The following NOVA2 variants were observed in gnomAD, a reference collection of about 807,000 sequenced individuals.
NOVA2 encodes the protein RNA-binding protein Nova-2.
In NOVA2, 9 loss-of-function variants were observed where a neutral mutation model predicts 22.5. That is an observed-to-expected ratio of 0.40 (90% CI 0.24 to 0.70). The LOEUF (loss-of-function observed/expected upper bound fraction) is 0.70. Among genes scored for constraint, NOVA2 ranks in the 30% least tolerant of loss-of-function variants. The probability of loss-of-function intolerance (pLI) is 0.38; values close to 1 mark genes in which losing one functional copy is unlikely to be tolerated. For synonymous variants in NOVA2, 318 were observed against 335.2 expected (o/e 0.95, Z 0.56); for missense variants, 383 against 682.8 (o/e 0.56, Z 4.89).
intron 3 of NOVA2, among the ~76,000 whole-genome samples, chr19:45,953,557 C>T (rs543154451): frequency 6.6e-6 from 1 of 152,200 alleles, no homozygotes; most frequent in Non-Finnish European, 1.5e-5. Context: ...CAGACCTTCA[C>T]TCCCTCTCTG....
chr19:45,961,177 G>A (rs1415543463), intron 1 of NOVA2, 24 bp from the exon 2 acceptor site: 2 of 1,584,050 alleles, frequency 1.3e-6, no homozygotes, highest in African/African-American at 1.3e-5. Flanking sequence ...CAGGGTGGAG[G>A]GGAGTCAGCG....
intron 3 of NOVA2, among the ~76,000 whole-genome samples, chr19:45,942,240 G>C (rs758158917): frequency 6.6e-6 from 1 of 152,150 alleles, no homozygotes; most frequent in Non-Finnish European, 1.5e-5. Context: ...TTGGAGAGAG[G>C]GTCTTTAAAG....
intron 1 of NOVA2, among the ~76,000 whole-genome samples, chr19:45,965,941 A>G (rs954335927): frequency 6.6e-6 from 1 of 152,216 alleles, no homozygotes; most frequent in Non-Finnish European, 1.5e-5. Context: ...AATGTTAGAT[A>G]TCATCATTAT....
intron 1 of NOVA2, chr19:45,962,443 A>G (rs1431848417): frequency 6.5e-6 from 1 of 152,810 alleles, no homozygotes; most frequent in African/African-American, 2.4e-5. Context: ...GCCCAAGGAC[A>G]CGAACACAGC....
chr19:45,968,756 G>A (rs4802282), intron 1 of NOVA2, among the ~76,000 whole-genome samples: 54,008 of 151,784 alleles, frequency 0.36, 11,661 homozygotes, highest in Non-Finnish European at 0.49. Context: ...TCAGAGTAGT[G>A]AAATAACTCG....
chr19:45,942,875 T>TC (rs1490155197), intron 3 of NOVA2, among the ~76,000 whole-genome samples: 20 of 151,666 alleles, frequency 1.3e-4, no homozygotes, highest in Non-Finnish European at 1.6e-4. Flanking sequence ...CAAAAATCCT[T>TC]CCCATGTCCC....
intron 1 of NOVA2, 59 bp from the exon 2 acceptor site, chr19:45,961,212 G>C (rs1235751360): frequency 2.3e-6 from 3 of 1,319,772 alleles, no homozygotes; most frequent in African/African-American, 2.9e-5. Flanking sequence ...ACCTTTGGAG[G>C]GGGTGAGCAG....
At chr19:45,961,933 G>A (rs1010996733) in intron 1 of NOVA2, among the ~76,000 whole-genome samples, 1 of 152,170 alleles carries the variant, frequency 6.6e-6, no homozygotes, top group African/African-American at 2.4e-5. Context: ...CCCTGTGCCT[G>A]GGGCTGAATG....
intron 3 of NOVA2, among the ~76,000 whole-genome samples, chr19:45,951,876 A>AAAATTTGG (rs1238003370): frequency 1.3e-5 from 2 of 152,122 alleles, no homozygotes; most frequent in African/African-American, 4.8e-5. Context: ...CTTCTTTTGA[A>AAAATTTGG]AAATTTGGAA....
At chr19:45,953,041 G>C (rs943179913) in intron 3 of NOVA2, among the ~76,000 whole-genome samples, 1 of 152,222 alleles carries the variant, frequency 6.6e-6, no homozygotes, top group Non-Finnish European at 1.5e-5. Context: ...GAGTGGGGAC[G>C]GGAGAGAAAA....
Position 45,938,004 on chromosome 19 carries a change from G to C in NOVA2, c.*1859C>G, listed in dbSNP as rs372280940. 2 of 152,162 alleles carry C rather than the reference G, an allele frequency of 1.3e-5. No individual in the cohort carries two copies. The highest frequency in any genetic ancestry group is 3.9e-4 in the East Asian group (2 of 5,182). The allele number at this position is 152,162 out of a possible 1,614,324, so 9.4% of individuals were successfully genotyped here. Reference sequence around the variant, plus strand: ...AGAAGAAAAGGGTTTGGAAGACCTAGGAGGCGGACAAATGGGGGAGAGGGT... The same window carrying C: ...AGAAGAAAAGGGTTTGGAAGACCTACGAGGCGGACAAATGGGGGAGAGGGT... On this transcript the variant is annotated 3_prime_UTR_variant, in exon 4 of 4. Coordinates refer to ENST00000263257, the MANE Select transcript of NOVA2 (RefSeq NM_002516.4).
intron 1 of NOVA2, among the ~76,000 whole-genome samples, chr19:45,965,118 T>C (rs147673658): frequency 6.6e-6 from 1 of 152,286 alleles, no homozygotes; most frequent in East Asian, 1.9e-4. Context: ...CTCACGGATA[T>C]GTCCTCTTCC....
chr19:45,959,109 TTGAATGAATGAG>T (rs1196644252), intron 2 of NOVA2, among the ~76,000 whole-genome samples: 2 of 152,210 alleles, frequency 1.3e-5, no homozygotes, highest in Admixed American at 6.5e-5. Flanking sequence ...AGAATGTGTG[TTGAATGAATGAG>T]TGAATGAATG....
chr19:45,941,865 T>C (rs1191155687), intron 3 of NOVA2, among the ~76,000 whole-genome samples: 1 of 152,220 alleles, frequency 6.6e-6, no homozygotes, highest in Admixed American at 6.6e-5. Flanking sequence ...GTACTTCCTC[T>C]GCGTCCAGCA....
intron 3 of NOVA2, among the ~76,000 whole-genome samples, chr19:45,945,328 A>G (rs1357323369): frequency 1.3e-5 from 2 of 152,098 alleles, no homozygotes; most frequent in Non-Finnish European, 2.9e-5. Flanking sequence ...GAAAAAAAAA[A>G]GGATTTATTT....
intron 2 of NOVA2, among the ~76,000 whole-genome samples, chr19:45,958,492 AGTGT>A (rs553310799): frequency 1.4e-5 from 2 of 146,596 alleles, no homozygotes; most frequent in African/African-American, 2.5e-5. Context: ...TGTGTGAATG[AGTGT>A]GAGTGTGTGT....
At chr19:45,955,853 T>C (rs79066902) in intron 2 of NOVA2, among the ~76,000 whole-genome samples, 3,482 of 150,804 alleles carry the variant, frequency 0.023, 136 homozygotes, top group East Asian at 0.18. Context: ...CGGGACTCCG[T>C]CTCAAAAAAA....
chr19:45,949,081 G>A (rs1333622729), intron 3 of NOVA2, among the ~76,000 whole-genome samples: 1 of 152,114 alleles, frequency 6.6e-6, no homozygotes, highest in Admixed American at 6.6e-5. Flanking sequence ...ATCCAGAATA[G>A]GCAAGTCCAC....
intron 1 of NOVA2, among the ~76,000 whole-genome samples, chr19:45,973,041 T>G (rs1227643588): frequency 1.7e-4 from 6 of 35,556 alleles, no homozygotes; most frequent in East Asian, 1.7e-3. Flanking sequence ...TATCACCCCC[T>G]CCCCCCCACC....
Sources: allele counts gnomAD v4.1 joint callset (sites outside exome capture counted in the v4.1 genomes callset), GRCh38; gene constraint gnomAD v4.1.1; transcripts MANE v1.5; gene names NCBI Gene and HGNC (gene_info 2026-07-23, HGNC 2026-07-21).